The following CCT8 variants were observed in gnomAD, a reference collection of about 807,000 sequenced individuals.
CCT8 encodes T-complex protein 1 subunit theta.
CCT8 carries 10 observed loss-of-function variants against 65.7 expected under a neutral mutation model. The ratio of observed to expected loss-of-function variants is 0.15; its 90% CI spans 0.09 to 0.26. CCT8 has a LOEUF of 0.26. CCT8 is among the 10% of genes least tolerant of loss of function. CCT8 has a pLI of 1.00. For synonymous variants in CCT8, 199 were observed against 221.8 expected, an observed-to-expected ratio of 0.90 and a Z score of 0.92; for missense variants, 568 against 669.1, an observed-to-expected ratio of 0.85 and a Z score of 1.67.
chr21:29,063,859 C>T (rs759387212), intron 7 of CCT8, among the ~76,000 whole-genome samples: 6 of 152,094 alleles, frequency 3.9e-5, no homozygotes, highest in Non-Finnish European at 5.9e-5. Context: ...CTCTGACTCC[C>T]TGGTTCAAGC....
chr21:29,066,775 A>G lies in CCT8; in HGVS notation c.565T>C (p.Ser189Pro), dbSNP rs558654266. The change falls in exon 6 of 15, where the codon TCT (serine) becomes CCT (proline). Residue 189 changes from serine (S) to proline (P), a missense_variant and splice_region_variant. Physicochemically the swap from Ser to Pro is moderately conservative, Grantham distance 74. Transcript: ENST00000286788. Reference sequence around the variant, plus strand: ...AAATGGCCGGAATCAGGAAAAATAGATACTGTTAAGAAAATGAGACATATC... The same window carrying G: ...AAATGGCCGGAATCAGGAAAAATAGGTACTGTTAAGAAAATGAGACATATC... ...LAKLIAQACV[S>P]IFPDSGHFNV... 6.8e-6 allele frequency: 11 copies of G among 1,606,122 alleles called. No individual in the cohort carries two copies. Among genetic ancestry groups the G allele is most frequent in the African/African-American group, 5.4e-5 (4 of 74,636 alleles).
chr21:29,058,515 T>C (rs776290257), intron 14 of CCT8, among the ~76,000 whole-genome samples: 1 of 152,094 alleles, frequency 6.6e-6, no homozygotes, highest in Non-Finnish European at 1.5e-5. Context: ...AAGTGCTCAT[T>C]AAAACAGACT....
chr21:29,060,958 T>C (rs1233102727), intron 13 of CCT8, among the ~76,000 whole-genome samples: 1 of 152,174 alleles, frequency 6.6e-6, no homozygotes, highest in African/African-American at 2.4e-5. Flanking sequence ...GTGTAAATAG[T>C]TGTTATAGTG....
intron 2 of CCT8, among the ~76,000 whole-genome samples, chr21:29,069,904 TG>T (rs2085663189): frequency 1.3e-5 from 2 of 152,214 alleles, no homozygotes; most frequent in Non-Finnish European, 2.9e-5. Context: ...ATTTAATTGG[TG>T]GTAGAAGGCA....
intron 14 of CCT8, among the ~76,000 whole-genome samples, chr21:29,057,252 A>G (rs992295757): frequency 6.0e-5 from 9 of 150,898 alleles, no homozygotes; most frequent in African/African-American, 2.2e-4. Context: ...GCTCAATGCA[A>G]CCTCTGCCTC....
At chr21:29,073,304 C>T in intron 1 of CCT8, 2 of 1,399,234 alleles carry the variant, frequency 1.4e-6, no homozygotes, top group East Asian at 2.6e-5. Context: ...CAATGTCGAT[C>T]GTGCCGCCGA....
intron 14 of CCT8, chr21:29,058,033 A>G (rs2085523682): frequency 6.6e-6 from 1 of 152,092 alleles, no homozygotes; most frequent in African/African-American, 2.4e-5. Context: ...ACAACAAAAA[A>G]GATACCTAAA....
intron 1 of CCT8, among the ~76,000 whole-genome samples, chr21:29,071,120 C>G (rs1006518104): frequency 6.6e-6 from 1 of 152,186 alleles, no homozygotes; most frequent in African/African-American, 2.4e-5. Context: ...TAGAGAAGCG[C>G]TGCCCAATAC....
chr21:29,064,775 A>G (rs2085603117), intron 7 of CCT8, among the ~76,000 whole-genome samples, 193 bp downstream of exon 7: 1 of 152,216 alleles, frequency 6.6e-6, no homozygotes, highest in Admixed American at 6.5e-5. Context: ...TAATACGGCC[A>G]CCATCTTTAT....
At chr21:29,065,490 G>C (rs558567615) in intron 6 of CCT8, among the ~76,000 whole-genome samples, 8 of 152,328 alleles carry the variant, frequency 5.3e-5, no homozygotes, top group Non-Finnish European at 1.2e-4. Context: ...GGAAAAGCTG[G>C]CAGTACGTGG....
chr21:29,071,907 GC>G (rs1258648257), intron 1 of CCT8: 3 of 700,124 alleles, frequency 4.3e-6, no homozygotes, highest in African/African-American at 3.5e-5. Context: ...AGGAAACAAG[GC>G]CCTACGTATC....
chr21:29,062,691 T>C (rs2085577640), intron 8 of CCT8, 135 bp from the exon 9 acceptor site: 1 of 706,172 alleles, frequency 1.4e-6, no homozygotes, highest in Non-Finnish European at 2.4e-6. Flanking sequence ...TCAGAACATG[T>C]CTGGATTGCA....
intron 6 of CCT8, 36 bp downstream of exon 6, chr21:29,066,680 A>T: frequency 7.3e-7 from 1 of 1,364,540 alleles, no homozygotes; most frequent in Non-Finnish European, 1.0e-6. Context: ...AAAAAAACTG[A>T]CCTAGATATG....
At chr21:29,069,785 A>AT (rs747834902) in intron 2 of CCT8, among the ~76,000 whole-genome samples, 3 of 152,236 alleles carry the variant, frequency 2.0e-5, no homozygotes, top group Non-Finnish European at 4.4e-5. Flanking sequence ...TGTTTGCAAC[A>AT]TGACTGTCAT....
chr21:29,058,604 T>C (rs1316456385), intron 14 of CCT8, among the ~76,000 whole-genome samples: 1 of 150,908 alleles, frequency 6.6e-6, no homozygotes, highest in Non-Finnish European at 1.5e-5. Context: ...TTTTTTTTTT[T>C]TTTTTGAGAT....
intron 4 of CCT8, 134 bp downstream of exon 4, chr21:29,067,422 C>CTATAA: frequency 1.7e-6 from 1 of 591,898 alleles, no homozygotes; most frequent in Non-Finnish European, 2.7e-6. Context: ...AGCATATGTA[C>CTATAA]TATAATGGCT....
intron 6 of CCT8, 28 bp from the exon 7 acceptor site, chr21:29,065,133 G>A: frequency 6.2e-7 from 1 of 1,606,806 alleles, no homozygotes; most frequent in Non-Finnish European, 8.5e-7. Flanking sequence ...AAACTCATCA[G>A]CAATCTCCTG....
At chr21:29,059,942 T>C (rs2085544581) in intron 14 of CCT8, 1 of 152,246 alleles carries the variant, frequency 6.6e-6, no homozygotes, top group Non-Finnish European at 1.5e-5. Context: ...TATTAAGTAC[T>C]TATAAATAGT....
chr21:29,071,326 A>G (rs1555865968), intron 1 of CCT8, among the ~76,000 whole-genome samples: 1 of 152,212 alleles, frequency 6.6e-6, no homozygotes, highest in Non-Finnish European at 1.5e-5. Flanking sequence ...TTCTATTTAC[A>G]TAGTACTGCT....
Sources: allele counts gnomAD v4.1 joint callset (sites outside exome capture counted in the v4.1 genomes callset), GRCh38; gene constraint gnomAD v4.1.1; transcripts MANE v1.5; gene names NCBI Gene and HGNC (gene_info 2026-07-23, HGNC 2026-07-21).